Variants in FAF1 observed in about 807,000 individuals in gnomAD.
FAF1 encodes the protein FAS-associated factor 1.
FAF1 carries 25 observed loss-of-function variants against 92.5 expected under a neutral mutation model. The observed-to-expected ratio is 0.27, with a 90% CI of 0.20 to 0.38. The LOEUF (loss-of-function observed/expected upper bound fraction) is 0.38, where lower values mean the gene tolerates loss of function less well. Ranked by LOEUF, FAF1 falls within the 10% of genes least tolerant of loss-of-function variation. The pLI is 1.00. For synonymous variants in FAF1, 234 were observed against 273.2 expected (o/e 0.86, Z 1.42); for missense variants, 636 against 793.3 (o/e 0.80, Z 2.38).
At chr1:50,813,871 A>T (rs1471167655) in intron 2 of FAF1, among the ~76,000 whole-genome samples, 1 of 152,154 alleles carries the variant, frequency 6.6e-6, no homozygotes, top group Admixed American at 6.5e-5. Flanking sequence ...AAATGAAAAC[A>T]TATGCTCCAA....
intron 8 of FAF1, among the ~76,000 whole-genome samples, chr1:50,649,678 C>G (rs1405720945): frequency 6.6e-6 from 1 of 151,172 alleles, no homozygotes; most frequent in Non-Finnish European, 1.5e-5. Flanking sequence ...CACAGTGCCT[C>G]ATGCCTGTAA....
At chr1:50,736,528 T>C (rs567547069) in intron 6 of FAF1, among the ~76,000 whole-genome samples, 32 of 152,282 alleles carry the variant, frequency 2.1e-4, no homozygotes, top group African/African-American at 7.0e-4. Flanking sequence ...GGTGGGAGGA[T>C]CACCTGAGTT....
intron 2 of FAF1, among the ~76,000 whole-genome samples, chr1:50,857,183 A>G (rs2124665048): frequency 6.6e-6 from 1 of 152,014 alleles, no homozygotes; most frequent in East Asian, 1.9e-4. Flanking sequence ...ACAGACACCA[A>G]GAGTTAATTA....
intron 7 of FAF1, among the ~76,000 whole-genome samples, chr1:50,680,683 C>CAA (rs578164784): frequency 1.5e-5 from 2 of 134,996 alleles, no homozygotes; most frequent in Non-Finnish European, 1.6e-5. Context: ...ACTCTGTCTC[C>CAA]AAAAAAAAAA....
intron 8 of FAF1, among the ~76,000 whole-genome samples, chr1:50,636,752 T>C (rs1654031547): frequency 6.6e-6 from 1 of 152,202 alleles, no homozygotes; most frequent in Non-Finnish European, 1.5e-5. Context: ...GAGCTTTTAG[T>C]GTCCTCTCTC....
chr1:50,784,767 A>G (rs1356549335), intron 4 of FAF1, among the ~76,000 whole-genome samples: 1 of 152,170 alleles, frequency 6.6e-6, no homozygotes, highest in Non-Finnish European at 1.5e-5. Context: ...CCTACTTCCT[A>G]ACTCCAAAAC....
At chr1:50,621,398 T>C (rs576662252) in intron 8 of FAF1, among the ~76,000 whole-genome samples, 53 of 125,756 alleles carry the variant, frequency 4.2e-4, no homozygotes, top group Non-Finnish European at 7.0e-4. Context: ...TTTCTTTTTT[T>C]TTTTTTTTTT....
At chr1:50,954,804 A>C (rs1171992051) in intron 1 of FAF1, among the ~76,000 whole-genome samples, 1 of 152,156 alleles carries the variant, frequency 6.6e-6, no homozygotes, top group African/African-American at 2.4e-5. Context: ...CGGCCTCCCA[A>C]GGTGCTGAAA....
At chr1:50,731,413 G>A (rs967966558) in intron 6 of FAF1, among the ~76,000 whole-genome samples, 19 of 143,516 alleles carry the variant, frequency 1.3e-4, no homozygotes, top group African/African-American at 4.1e-4. Flanking sequence ...CTCTGTCCCC[G>A]GGCTGGAGTG....
At chr1:50,833,916 C>T (rs1269864219) in intron 2 of FAF1, among the ~76,000 whole-genome samples, 3 of 152,232 alleles carry the variant, frequency 2.0e-5, no homozygotes, top group Non-Finnish European at 4.4e-5. Context: ...CATGAAACCA[C>T]ATTACTCTCT....
chr1:50,493,855 C>G (rs1412499931), intron 15 of FAF1, among the ~76,000 whole-genome samples: 1 of 152,168 alleles, frequency 6.6e-6, no homozygotes, highest in Non-Finnish European at 1.5e-5. Flanking sequence ...ACTTGTTATG[C>G]CACTATGTAC....
In FAF1 at chr1:50,441,485, T is replaced by A; in HGVS notation, c.1908A>T (p.Val636=). The change falls in exon 19 of 19, where the codon GTA becomes GTT. Residue 636 remains valine, a synonymous_variant. Coordinates refer to ENST00000396153, the MANE Select transcript of FAF1 (RefSeq NM_007051.3). The part of the protein sequence containing the change: ...QLDPNKSLLE[V]KLFPQETLFL... ...AAAGGGTTTCTTGAGGGAACAACTT[T>A]ACCTCCAATAATGATTTATTTGGGT... 3 of 1,546,522 alleles carry A rather than the reference T, an allele frequency of 1.9e-6. No homozygotes were observed. The highest frequency in any genetic ancestry group is 2.6e-6 in the Non-Finnish European group (3 of 1,142,892).
intron 15 of FAF1, among the ~76,000 whole-genome samples, chr1:50,507,894 A>G (rs1647079888): frequency 1.3e-5 from 2 of 152,224 alleles, no homozygotes; most frequent in Admixed American, 1.3e-4. Context: ...AATCCTGCTT[A>G]CAAAACAAGA....
intron 15 of FAF1, among the ~76,000 whole-genome samples, chr1:50,516,130 C>T (rs1647216731): frequency 6.6e-6 from 1 of 152,198 alleles, no homozygotes; most frequent in South Asian, 2.1e-4. Flanking sequence ...GATTATACAG[C>T]TGCTAGGTGG....
chr1:50,602,009 G>C (rs1407976322), intron 8 of FAF1, among the ~76,000 whole-genome samples: 2 of 151,950 alleles, frequency 1.3e-5, no homozygotes, highest in African/African-American at 4.8e-5. Flanking sequence ...TAAAATATAG[G>C]TACGACCAAC....
chr1:50,489,909 C>CA (rs5774089), intron 17 of FAF1, among the ~76,000 whole-genome samples: 152,258 of 152,260 alleles, frequency 1, 76,128 homozygotes, highest in Middle Eastern at 1. Flanking sequence ...TATTTGTTGG[C>CA]ACAAAAGGCA....
chr1:50,764,107 CT>C (rs1160725370), intron 4 of FAF1, among the ~76,000 whole-genome samples: 5 of 151,972 alleles, frequency 3.3e-5, no homozygotes, highest in African/African-American at 1.2e-4. Flanking sequence ...TTTCTCATTA[CT>C]TTTTTTGTTC....
chr1:50,720,040 C>A (rs1481945999), intron 6 of FAF1, among the ~76,000 whole-genome samples: 1 of 151,378 alleles, frequency 6.6e-6, no homozygotes, highest in African/African-American at 2.4e-5. Context: ...CTTGTTCTGC[C>A]ACCTAGGCTG....
At chr1:50,837,797 G>A (rs1467437344) in intron 2 of FAF1, among the ~76,000 whole-genome samples, 1 of 151,166 alleles carries the variant, frequency 6.6e-6, no homozygotes. Flanking sequence ...AGGCTGGAGT[G>A]CAGTGGCGTG....
Sources: gnomAD v4.1 joint callset for allele counts (sites outside exome capture counted in the v4.1 genomes callset) on GRCh38, gnomAD v4.1.1 for gene constraint, MANE v1.5 for transcripts, NCBI Gene and HGNC (gene_info 2026-07-23, HGNC 2026-07-21) for gene names.